Variants in PSMA7 observed in about 807,000 individuals in gnomAD.
The protein encoded by PSMA7 is proteasome 20S subunit alpha 7, also known as proteasome subunit alpha type-7.
A neutral mutation model predicts 31.3 loss-of-function variants in PSMA7; 5 were observed. That is an observed-to-expected ratio of 0.16 (90% CI 0.08 to 0.34). The LOEUF (loss-of-function observed/expected upper bound fraction) is 0.34. PSMA7 is among the 10% of genes least tolerant of loss of function. The probability of loss-of-function intolerance (pLI) is 1.00; values close to 1 mark genes in which losing one functional copy is unlikely to be tolerated. For missense variants in PSMA7, 217 were observed against 327.5 expected (o/e 0.66, Z 2.60); for synonymous variants, 155 against 121.9 (o/e 1.27, Z -1.79).
In PSMA7 at chr20:62,139,080, A is replaced by G; in HGVS notation, c.466T>C (p.Trp156Arg). Residue 156 changes from tryptophan to arginine, a missense_variant, in exon 4 of 7, where the codon TGG (tryptophan) becomes CGG (arginine). By Grantham distance (101) the Trp-to-Arg change is moderately radical. This residue lies in a region of PSMA7 where 88 missense variants were observed against 111.6 expected (regional missense o/e 0.79). Coordinates refer to ENST00000370873, the MANE Select transcript of PSMA7 (RefSeq NM_002792.4). Reference protein sequence around the residue: ...QTDPSGTYHAWKANAIGRGAK... With the variant: ...QTDPSGTYHARKANAIGRGAK... ...CCCCTTTGTCACGAACTCACCTTCCAGGCATGGTATGTGCCCGAGGGGTCA... is the reference window on the plus strand; with the variant it reads ...CCCCTTTGTCACGAACTCACCTTCCGGGCATGGTATGTGCCCGAGGGGTCA... 1 of 1,613,734 alleles carries G rather than the reference A, an allele frequency of 6.2e-7. No individual in the cohort carries two copies. Among genetic ancestry groups the G allele is most frequent in the Non-Finnish European group, 8.5e-7 (1 of 1,179,832 alleles).
rs747916450 is a variant in PSMA7, at chr20:62,138,306, A to G, written c.472-16T>C. On this transcript the variant is annotated splice_polypyrimidine_tract_variant and intron_variant, in intron 4 of 6. Coordinates refer to ENST00000370873, the MANE Select transcript of PSMA7 (RefSeq NM_002792.4). ...TGGCATTGGCCTAAAACAGACACGT[A>G]TGTTCTCACGTGGCATAGGGCATGA... 1.9e-6 allele frequency: 3 copies of G among 1,591,636 alleles called. No individual in the cohort carries two copies. The South Asian group carries it at 3.4e-5, about 18-fold the overall frequency.
At position 62,139,576 on chromosome 20, in the gene PSMA7, A is replaced by G. The variant is rs1177971689; in HGVS notation, c.348+205T>C. ...CCCTCCAGACACAGGAATTTGGAAT[A>G]TCCCATGCCAGGAACTGAGAACAGA... On this transcript the variant is annotated intron_variant, in intron 3 of 6. Transcript: ENST00000370873. 1.3e-5 allele frequency: 11 copies of G among 838,212 alleles called. No individual in the cohort carries two copies. In the East Asian group the frequency reaches 2.9e-4, roughly 22 times the overall value. 51.9% of individuals were successfully genotyped at this position (838,212 alleles called of 1,614,324 possible).
chr20:62,139,344 A>T, intron 3 of PSMA7, 147 bp from the exon 4 acceptor site: 1 of 1,005,042 alleles, frequency 9.9e-7, no homozygotes, highest in Non-Finnish European at 1.4e-6. Flanking sequence ...ATTAGCCAAT[A>T]GCTTTCAACA....
At position 62,143,336 on chromosome 20, in the gene PSMA7, C is replaced by G. The variant is rs779730189; in HGVS notation, c.-33G>C. On this transcript the variant is annotated 5_prime_UTR_variant, in exon 1 of 7. Coordinates refer to ENST00000370873, the MANE Select transcript of PSMA7 (RefSeq NM_002792.4). ...GGCGGCGGCCGGGCTCCTTCCGCCG[C>G]GACTCTCAAAAGCGCACACTCACGG... 2 of 1,336,238 alleles carry G rather than the reference C, an allele frequency of 1.5e-6. 1 individual carries two copies. The highest frequency in any genetic ancestry group is 2.8e-5 in the South Asian group (2 of 70,786). 82.8% of individuals were successfully genotyped at this position (1,336,238 alleles called of 1,614,324 possible). A position where few individuals can be genotyped will look rare whatever the true frequency, so the allele number is the denominator to read the frequency against.
chr20:62,139,142 C>A lies in PSMA7; in HGVS notation c.404G>T (p.Gly135Val). Residue 135 changes from glycine (G) to valine (V), a missense_variant, in exon 4 of 7, where the codon GGT becomes GTT. Physicochemically the swap from Gly to Val is moderately radical, Grantham distance 109 (BLOSUM62 -3). Coordinates refer to ENST00000370873, the MANE Select transcript of PSMA7 (RefSeq NM_002792.4). ...RPFGISALIV[G>V]FDFDGTPRLY... ...CCTAGGAGTGCCATCAAAGTCGAAACCCACGATGAGGGCAGAGATGCCAAA... is the reference window on the plus strand; with the variant it reads ...CCTAGGAGTGCCATCAAAGTCGAAAACCACGATGAGGGCAGAGATGCCAAA... 1 of 1,614,192 alleles carries A rather than the reference C, an allele frequency of 6.2e-7. No individual in the cohort carries two copies. The highest frequency in any genetic ancestry group is 8.5e-7 in the Non-Finnish European group (1 of 1,180,016).
At position 62,140,957 on chromosome 20, in the gene PSMA7, T is replaced by C; in HGVS notation, c.97-13A>G. The C allele has an allele frequency of 6.2e-7, 1 of 1,613,856 alleles. No homozygotes were observed. Among genetic ancestry groups the C allele is most frequent in the African/African-American group, 1.3e-5 (1 of 75,022 alleles). ...CTCGAACACCAACCTTTAATTAAGATCCACAAACCACGTAAGAAAGTGATA... is the reference window on the plus strand; with the variant it reads ...CTCGAACACCAACCTTTAATTAAGACCCACAAACCACGTAAGAAAGTGATA... On this transcript the variant is annotated splice_polypyrimidine_tract_variant and intron_variant, in intron 1 of 6. Coordinates refer to ENST00000370873, the MANE Select transcript of PSMA7 (RefSeq NM_002792.4).
Position 62,139,097 on chromosome 20 carries a change from G to A in PSMA7, c.449C>T (p.Ser150Leu), listed in dbSNP as rs750310869. The part of the protein sequence containing the change: ...GTPRLYQTDP[S>L]GTYHAWKANA... The stretch of plus-strand genomic sequence containing the variant: ...CACCTTCCAGGCATGGTATGTGCCC[G>A]AGGGGTCAGTCTGATAGAGCCTAGG... Residue 150 changes from serine (S) to leucine (L), a missense_variant, in exon 4 of 7, where the codon TCG becomes TTG. Physicochemically the swap from Ser to Leu is moderately radical, Grantham distance 145. Transcript: ENST00000370873. The A allele has an allele frequency of 8.1e-6, 13 of 1,613,958 alleles. No individual in the cohort carries two copies. Among genetic ancestry groups the A allele is most frequent in the African/African-American group, 1.3e-5 (1 of 74,930 alleles).
chr20:62,138,065 A>G, intron 5 of PSMA7, 106 bp downstream of exon 5: 1 of 1,477,444 alleles, frequency 6.8e-7, no homozygotes, highest in Non-Finnish European at 9.4e-7. Context: ...GTCATTAAGC[A>G]TTACTGCTGG....
At chr20:62,140,997 A>G (rs2056924291) in intron 1 of PSMA7, 53 bp from the exon 2 acceptor site, 1 of 1,605,756 alleles carries the variant, frequency 6.2e-7, no homozygotes, top group East Asian at 2.2e-5. Flanking sequence ...TGCTGGGTGC[A>G]GTGGCTCATG....
At chr20:62,141,032 G>A (rs780447386) in intron 1 of PSMA7, 88 bp from the exon 2 acceptor site, 46 of 1,504,846 alleles carry the variant, frequency 3.1e-5, no homozygotes, top group Non-Finnish European at 4.0e-5. Context: ...CACTTTGGGA[G>A]GCTGAGGTGG....
At chr20:62,138,550 A>ATTTTTTTTTTTTTTTTTTTTTTTTGT (rs59188263) in intron 4 of PSMA7, among the ~76,000 whole-genome samples, 1 of 126,372 alleles carries the variant, frequency 7.9e-6, no homozygotes. Flanking sequence ...GCAATGGGAG[A>ATTTTTTTTTTTTTTTTTTTTTTTTGT]TTTTTTTTTT....
rs551982238 is a variant in PSMA7 at position 62,138,194 on chromosome 20, G to A, written c.568C>T (p.Leu190=). The change falls in exon 5 of 7, where the codon CTG becomes TTG. Residue 190 remains leucine (L), a synonymous_variant. Coordinates refer to ENST00000370873, the MANE Select transcript of PSMA7 (RefSeq NM_002792.4). ...AIETDDLTIK[L]VIKALLEVVQ... is the part of the protein sequence containing the mutation. ...ACTTCCAGGAGTGCCTTGATCACCA[G>A]CTTAATGGTCAGATCATCTGTTTCA... 5.0e-6 allele frequency: 8 copies of A among 1,614,234 alleles called. No individual in the cohort carries two copies. The Admixed American group carries it at 6.7e-5, about 13-fold the overall frequency.
At chr20:62,141,235 G>C (rs747853219) in intron 1 of PSMA7, among the ~76,000 whole-genome samples, 2 of 152,204 alleles carry the variant, frequency 1.3e-5, no homozygotes, top group Admixed American at 6.5e-5. Context: ...GGGAGACAGA[G>C]ACAGCAAGAC....
chr20:62,139,816 C>T lies in PSMA7; in HGVS notation c.313G>A (p.Glu105Lys). The change falls in exon 3 of 7, where the codon GAG (glutamate) becomes AAG (lysine). Residue 105 changes from glutamate to lysine, a missense_variant. Coordinates refer to ENST00000370873, the MANE Select transcript of PSMA7 (RefSeq NM_002792.4). ...CTGGCGATGTAGCGGGTGATGTACTCCACAGTGACCGGGTCCTCCACAGTC... is the reference window on the plus strand; with the variant it reads ...CTGGCGATGTAGCGGGTGATGTACTTCACAGTGACCGGGTCCTCCACAGTC... ...RLTVEDPVTV[E>K]YITRYIASLK... 6.2e-7 allele frequency: 1 copy of T among 1,614,128 alleles called. No homozygotes were observed. The highest frequency in any genetic ancestry group is 8.5e-7 in the Non-Finnish European group (1 of 1,180,036).
intron 3 of PSMA7, chr20:62,139,543 T>C: frequency 1.3e-6 from 1 of 769,528 alleles, no homozygotes; most frequent in Non-Finnish European, 2.1e-6. Context: ...AGACAAAAGC[T>C]ATCATTTCCC....
intron 4 of PSMA7, 21 bp downstream of exon 4, chr20:62,139,054 G>A (rs2056911697): frequency 6.2e-7 from 1 of 1,612,286 alleles, no homozygotes; most frequent in East Asian, 2.2e-5. Flanking sequence ...ACTGTCCAAA[G>A]CCCCTTTGTC....
In PSMA7 at chr20:62,138,257, G is replaced by A. The variant is rs772079136; in HGVS notation, c.505C>T (p.Arg169Cys). ...NAIGRGAKSV[R>C]EFLEKNYTDE... ...GTATAGTTCTTCTCCAGGAACTCGC[G>A]CACTGACTTGGCACCCCGACCTATG... Residue 169 changes from arginine (R) to cysteine (C), a missense_variant, in exon 5 of 7, where the codon CGC becomes TGC. Transcript: ENST00000370873. 6.8e-6 allele frequency: 11 copies of A among 1,613,088 alleles called. No homozygotes were observed. Among genetic ancestry groups the A allele is most frequent in the Admixed American group, 5.0e-5 (3 of 59,934 alleles).
At chr20:62,140,598 A>C (rs2056921935) in intron 2 of PSMA7, among the ~76,000 whole-genome samples, 1 of 128,282 alleles carries the variant, frequency 7.8e-6, no homozygotes, top group Non-Finnish European at 1.6e-5. Context: ...AGCAGCCAGA[A>C]GTGTTTTCAT....
Position 62,138,684 on chromosome 20 carries a change from A to G in PSMA7, c.471+391T>C, listed in dbSNP as rs145948283. 6.7e-4 allele frequency among the ~76,000 whole-genome samples: 101 copies of G among 151,314 alleles called. 1 individual carries two copies. In the East Asian group the frequency reaches 0.019, roughly 29 times the overall value. ...ATTTTCCTGCCTCAGCCTCCTGAGT[A>G]GCTGGGATTACAGGCATGTGCCACC... On this transcript the variant is annotated intron_variant, in intron 4 of 6. Coordinates refer to ENST00000370873, the MANE Select transcript of PSMA7 (RefSeq NM_002792.4).
Sources: allele counts gnomAD v4.1 joint callset (sites outside exome capture counted in the v4.1 genomes callset), GRCh38; gene constraint gnomAD v4.1.1; regional missense constraint gnomAD v4.1.1; transcripts MANE v1.5; gene names NCBI Gene and HGNC (gene_info 2026-07-23, HGNC 2026-07-21).